Variants in LDB2 observed in about 807,000 individuals in gnomAD.
LDB2 encodes LIM domain binding 2.
In LDB2, 12 loss-of-function variants were observed where a neutral mutation model predicts 44.3. That is an observed-to-expected ratio of 0.27 (90% CI 0.17 to 0.44). The LOEUF (loss-of-function observed/expected upper bound fraction) is 0.44. Among genes scored for constraint, LDB2 ranks in the 20% least tolerant of loss-of-function variants. The pLI, the probability that LDB2 is intolerant of heterozygous loss-of-function variation, is 1.00. For missense variants in LDB2, 344 were observed against 473.5 expected, an observed-to-expected ratio of 0.73 and a Z score of 2.54; for synonymous variants, 164 against 174.8, an observed-to-expected ratio of 0.94 and a Z score of 0.49.
At chr4:16,837,982 G>A (rs1025518088) in intron 1 of LDB2, among the ~76,000 whole-genome samples, 4 of 152,216 alleles carry the variant, frequency 2.6e-5, no homozygotes, top group Non-Finnish European at 5.9e-5. Flanking sequence ...TATTGCTGAA[G>A]GCAGGGACTA....
At chr4:16,699,861 G>A (rs551239363) in intron 2 of LDB2, among the ~76,000 whole-genome samples, 11 of 152,212 alleles carry the variant, frequency 7.2e-5, no homozygotes, top group Non-Finnish European at 1.0e-4. Context: ...CCAATATGGC[G>A]AACGCTGCAT....
chr4:16,777,957 C>A (rs997870565), intron 1 of LDB2, among the ~76,000 whole-genome samples: 1 of 152,168 alleles, frequency 6.6e-6, no homozygotes. Flanking sequence ...CCTTTTCAAT[C>A]TTGTCCCTGC....
At chr4:16,788,129 G>A (rs1486317471) in intron 1 of LDB2, among the ~76,000 whole-genome samples, 2 of 152,326 alleles carry the variant, frequency 1.3e-5, no homozygotes, top group African/African-American at 2.4e-5. Flanking sequence ...ATTGGGCTGC[G>A]AGTTGGCGAT....
At chr4:16,651,763 A>G (rs1738345328) in intron 2 of LDB2, among the ~76,000 whole-genome samples, 1 of 152,100 alleles carries the variant, frequency 6.6e-6, no homozygotes, top group Non-Finnish European at 1.5e-5. Context: ...TTGTTGGAAA[A>G]GGGATCAACA....
At chr4:16,598,064 T>G (rs1391313020) in intron 2 of LDB2, among the ~76,000 whole-genome samples, 7 of 152,158 alleles carry the variant, frequency 4.6e-5, no homozygotes, top group South Asian at 4.1e-4. Flanking sequence ...AGGTTCATTA[T>G]CCACCATAGC....
chr4:16,675,112 G>A (rs796312203), intron 2 of LDB2, among the ~76,000 whole-genome samples: 9 of 152,202 alleles, frequency 5.9e-5, no homozygotes, highest in African/African-American at 2.2e-4. Context: ...ATAATGGTAG[G>A]TTTAAATGTG....
intron 2 of LDB2, among the ~76,000 whole-genome samples, chr4:16,720,916 A>G (rs1397814846): frequency 6.6e-6 from 1 of 152,148 alleles, no homozygotes; most frequent in African/African-American, 2.4e-5. Context: ...CAGTCTAAAG[A>G]TAGACTAGGC....
intron 5 of LDB2, among the ~76,000 whole-genome samples, chr4:16,558,816 T>A (rs896828347): frequency 3.3e-4 from 50 of 152,200 alleles, no homozygotes; most frequent in African/African-American, 1.2e-3. Context: ...GAGAGAAAGG[T>A]CGGGTTACCC....
chr4:16,638,397 G>A (rs1275770890), intron 2 of LDB2, among the ~76,000 whole-genome samples: 1 of 152,198 alleles, frequency 6.6e-6, no homozygotes, highest in Non-Finnish European at 1.5e-5. Context: ...CGCTTTGGAA[G>A]TATTTGCTGA....
rs550763050 is a variant in LDB2 at position 16,583,413 on chromosome 4, T to C, written c.615+2509A>G. ...TCTTTTTCTGATACTGGGAGTGGCA[T>C]TGAAGCTTCTTGTTACCTTATTTGC... On this transcript the variant is annotated intron_variant, in intron 5 of 7. Transcript: ENST00000304523. 2.6e-5 allele frequency among the ~76,000 whole-genome samples: 4 copies of C among 152,322 alleles called. No individual in the cohort carries two copies. The East Asian group carries it at 5.8e-4, about 22-fold the overall frequency.
chr4:16,512,197 G>A, intron 5 of LDB2, 93 bp from the exon 6 acceptor site: 14 of 1,160,534 alleles, frequency 1.2e-5, no homozygotes, highest in Non-Finnish European at 1.5e-5. Context: ...AGACAGCTTT[G>A]AGAATACTTT....
Position 16,674,295 on chromosome 4 carries a change from C to T in LDB2, c.236-78420G>A, listed in dbSNP as rs1183398294. 5 of 1,286,314 alleles carry T rather than the reference C, an allele frequency of 3.9e-6. No homozygotes were observed. In the East Asian group the frequency reaches 1.7e-4, roughly 43 times the overall value. The allele number at this position is 1,286,314 out of a possible 1,614,324, so 79.7% of individuals were successfully genotyped here. A position where few individuals can be genotyped will look rare whatever the true frequency, so the allele number is the denominator to read the frequency against. ...ATCCCCGAGCTGGTTGCAGTTTCCTCTGGCATCTGCCGCTGAATGCACAAC... is the reference window on the plus strand; with the variant it reads ...ATCCCCGAGCTGGTTGCAGTTTCCTTTGGCATCTGCCGCTGAATGCACAAC... On this transcript the variant is annotated intron_variant, in intron 2 of 7. Transcript: ENST00000304523.
At chr4:16,544,340 T>A (rs1734946831) in intron 5 of LDB2, among the ~76,000 whole-genome samples, 2 of 152,036 alleles carry the variant, frequency 1.3e-5, no homozygotes, top group Admixed American at 6.5e-5. Context: ...AGCAGCTGGC[T>A]TGGGGGAGTG....
chr4:16,558,109 A>G (rs890266621), intron 5 of LDB2, among the ~76,000 whole-genome samples: 6 of 152,114 alleles, frequency 3.9e-5, no homozygotes, highest in South Asian at 2.1e-4. Context: ...AACCACAAAG[A>G]TGGGGAAAAA....
intron 2 of LDB2, among the ~76,000 whole-genome samples, chr4:16,747,025 T>C (rs1342035311): frequency 6.6e-6 from 1 of 152,174 alleles, no homozygotes; most frequent in African/African-American, 2.4e-5. Context: ...AAACATCTAA[T>C]GAGAAATAGA....
At chr4:16,706,322 T>C (rs1014191391) in intron 2 of LDB2, among the ~76,000 whole-genome samples, 6 of 152,114 alleles carry the variant, frequency 3.9e-5, no homozygotes, top group Non-Finnish European at 7.4e-5. Context: ...ACGAATAAGA[T>C]TAGTGCCATT....
intron 1 of LDB2, among the ~76,000 whole-genome samples, chr4:16,860,163 G>A (rs1400587094): frequency 2.6e-5 from 4 of 152,178 alleles, no homozygotes; most frequent in Non-Finnish European, 5.9e-5. Context: ...GAAGACGGAT[G>A]GATTTGGGTA....
intron 5 of LDB2, among the ~76,000 whole-genome samples, chr4:16,553,171 G>C (rs1738263359): frequency 6.6e-6 from 1 of 152,056 alleles, no homozygotes; most frequent in Admixed American, 6.5e-5. Flanking sequence ...ATTATTTTTT[G>C]AGACAGGGTA....
At chr4:16,607,302 C>G (rs1017721767) in intron 2 of LDB2, among the ~76,000 whole-genome samples, 1 of 152,184 alleles carries the variant, frequency 6.6e-6, no homozygotes, top group Non-Finnish European at 1.5e-5. Flanking sequence ...CCCAGGGGGG[C>G]CTTGCTTCAT....
Sources: allele counts gnomAD v4.1 joint callset (sites outside exome capture counted in the v4.1 genomes callset), GRCh38; gene constraint gnomAD v4.1.1; transcripts MANE v1.5; gene names NCBI Gene and HGNC (gene_info 2026-07-23, HGNC 2026-07-21).